Variants in ZNF516 observed in about 807,000 individuals in gnomAD.
ZNF516 encodes zinc finger protein 516.
ZNF516 carries 19 observed loss-of-function variants against 79.7 expected under a neutral mutation model. The ratio of observed to expected loss-of-function variants is 0.24; its 90% CI spans 0.17 to 0.35. The LOEUF is 0.35. ZNF516 is among the 10% of genes least tolerant of loss of function. The pLI, the probability that ZNF516 is intolerant of heterozygous loss-of-function variation, is 1.00. For synonymous variants in ZNF516, 877 were observed against 739.5 expected, an observed-to-expected ratio of 1.19 and a Z score of -3.02; for missense variants, 1,678 against 1,679.5, an observed-to-expected ratio of 1.00 and a Z score of 0.02.
intron 6 of ZNF516, among the ~76,000 whole-genome samples, chr18:76,365,796 C>T (rs185838041): frequency 3.3e-5 from 5 of 152,314 alleles, no homozygotes; most frequent in East Asian, 3.9e-4. Flanking sequence ...GCCCAGGGCC[C>T]GGACCCTCTC....
rs1379965471 is a variant in ZNF516, at chr18:76,493,537, C to T, written c.-272+1607G>A. On this transcript the variant is annotated intron_variant, in intron 1 of 6. Transcript: ENST00000443185. The surrounding 1 kb of genome is among the most constrained non-coding windows in gnomAD (Gnocchi z 5.2). ...TCGTGTTTCCTTAAGAAAGAACTGA[C>T]CTATTTTTGGCTGGAGATAAACGAT... 6.6e-6 allele frequency: 1 copy of T among 152,192 alleles called. No homozygotes were observed. The highest frequency in any genetic ancestry group is 1.9e-4 in the East Asian group (1 of 5,204). 9.4% of individuals were successfully genotyped at this position (152,192 alleles called of 1,614,324 possible). A position where few individuals can be genotyped will look rare whatever the true frequency, so the allele number is the denominator to read the frequency against.
intron 3 of ZNF516, among the ~76,000 whole-genome samples, chr18:76,411,217 C>G (rs2075369164): frequency 6.6e-6 from 1 of 152,190 alleles, no homozygotes; most frequent in African/African-American, 2.4e-5. Context: ...GACTGTGCAG[C>G]CTTGAGTGTC....
intron 1 of ZNF516, chr18:76,491,051 G>A (rs1172431597): frequency 2.3e-5 from 23 of 985,188 alleles, no homozygotes; most frequent in African/African-American, 3.5e-5. Flanking sequence ...CGCGGGCGCA[G>A]GACCGGTTCA....
intron 1 of ZNF516, among the ~76,000 whole-genome samples, chr18:76,489,392 A>C (rs1243637208): frequency 2.0e-5 from 3 of 152,146 alleles, no homozygotes; most frequent in Non-Finnish European, 4.4e-5. Flanking sequence ...TTTTTCACAT[A>C]CGTTGCTAAA....
At chr18:76,435,938 T>A (rs1184155516) in intron 3 of ZNF516, among the ~76,000 whole-genome samples, 3 of 152,250 alleles carry the variant, frequency 2.0e-5, no homozygotes, top group Non-Finnish European at 4.4e-5. Flanking sequence ...GGGAGCCCTG[T>A]CAGGCCTGGC....
In ZNF516 at chr18:76,463,086, C is replaced by T. The variant is rs930905685; in HGVS notation, c.-216G>A. On this transcript the variant is annotated 5_prime_UTR_variant, in exon 2 of 7. Transcript: ENST00000443185. ...CAACGCTCCCAGTTGGATGCTGGTA[C>T]TCTCAGCTAAAAGTGTTCAGAGAAG... 1 of 152,236 alleles carries T rather than the reference C, an allele frequency of 6.6e-6. No homozygotes were observed. The highest frequency in any genetic ancestry group is 2.4e-5 in the African/African-American group (1 of 41,462). The allele number at this position is 152,236 out of a possible 1,614,324, so 9.4% of individuals were successfully genotyped here.
chr18:76,400,090 T>C (rs1218242807), intron 3 of ZNF516, among the ~76,000 whole-genome samples: 1 of 152,038 alleles, frequency 6.6e-6, no homozygotes, highest in African/African-American at 2.4e-5. Flanking sequence ...GCCCCCACTT[T>C]AGCAAACTCA....
chr18:76,381,013 G>A (rs2074883696), intron 3 of ZNF516, among the ~76,000 whole-genome samples: 2 of 152,226 alleles, frequency 1.3e-5, no homozygotes, highest in African/African-American at 2.4e-5. Flanking sequence ...CTGAGCCCGG[G>A]GTTCCGCCCC....
At chr18:76,441,131 GCC>G in intron 3 of ZNF516, 112 bp downstream of exon 3, 4 of 1,404,210 alleles carry the variant, frequency 2.8e-6, no homozygotes, top group Non-Finnish European at 3.8e-6. Context: ...TGAGTAAAGG[GCC>G]ACCGGGTAAG....
chr18:76,472,545 G>T (rs1343215225), intron 1 of ZNF516, among the ~76,000 whole-genome samples: 2 of 152,222 alleles, frequency 1.3e-5, no homozygotes, highest in Admixed American at 6.5e-5. Flanking sequence ...TGAACACACA[G>T]GTGTATGCAC....
At position 76,430,817 on chromosome 18, in the gene ZNF516, T is replaced by C. The variant is rs549503523; in HGVS notation, c.1810+10428A>G. Among the ~76,000 whole-genome samples the C allele has an allele frequency of 6.7e-4, 102 of 152,322 alleles. 1 individual carries two copies. The highest frequency in any genetic ancestry group is 2.4e-3 in the African/African-American group (98 of 41,572). On this transcript the variant is annotated intron_variant, in intron 3 of 6. Transcript: ENST00000443185. ...TTTGGCACATCTATACAGGAACATA[T>C]TTGGCAGCTAACAGTTCGCCCAAAT...
At chr18:76,468,407 T>C (rs144292143) in intron 1 of ZNF516, among the ~76,000 whole-genome samples, 11 of 150,512 alleles carry the variant, frequency 7.3e-5, no homozygotes, top group Non-Finnish European at 1.3e-4. Flanking sequence ...TTTAGGCTCA[T>C]CATTAGTGTC....
intron 3 of ZNF516, among the ~76,000 whole-genome samples, chr18:76,439,366 C>G (rs2075784952): frequency 6.6e-6 from 1 of 152,214 alleles, no homozygotes; most frequent in Non-Finnish European, 1.5e-5. Flanking sequence ...TTCCATGTTT[C>G]ATGCCTCTGT....
chr18:76,491,399 G>A (rs1449523371), intron 1 of ZNF516, among the ~76,000 whole-genome samples: 4 of 122,982 alleles, frequency 3.3e-5, no homozygotes, highest in East Asian at 5.1e-4. Flanking sequence ...GCCCCCGCCG[G>A]CTCCCCCCGC....
chr18:76,491,863 C>G (rs1213896721), intron 1 of ZNF516, among the ~76,000 whole-genome samples: 1 of 152,152 alleles, frequency 6.6e-6, no homozygotes, highest in Non-Finnish European at 1.5e-5. Context: ...TGCCCAGTCC[C>G]GGTTCCGCCG....
chr18:76,367,420 T>C (rs943080131), intron 6 of ZNF516, among the ~76,000 whole-genome samples: 8 of 152,210 alleles, frequency 5.3e-5, no homozygotes, highest in Non-Finnish European at 1.2e-4. Context: ...CAGCCCTGCC[T>C]AGGGCTCTCT....
At chr18:76,478,445 T>A (rs1914301418) in intron 1 of ZNF516, among the ~76,000 whole-genome samples, 1 of 152,068 alleles carries the variant, frequency 6.6e-6, no homozygotes, top group Admixed American at 6.5e-5. Flanking sequence ...AAAAAAAAGG[T>A]TTAAGGTTTA....
At chr18:76,415,748 C>T (rs1443895618) in intron 3 of ZNF516, among the ~76,000 whole-genome samples, 1 of 152,046 alleles carries the variant, frequency 6.6e-6, no homozygotes, top group Non-Finnish European at 1.5e-5. Context: ...ATAGAGAAAC[C>T]GGCTCAAAAT....
At position 76,441,657 on chromosome 18, in the gene ZNF516, A is replaced by G. The variant is rs1384738274; in HGVS notation, c.1398T>C (p.Arg466=). 90 of 1,542,374 alleles carry G rather than the reference A, an allele frequency of 5.8e-5. No individual in the cohort carries two copies. Among genetic ancestry groups the G allele is most frequent in the Non-Finnish European group, 7.7e-5 (88 of 1,145,728 alleles). ...CCTGCGCGGCTGGTGCATCCTGCTC[A>G]CGCTTGCGCTTCTCCTGGCTCACCA... The part of the protein sequence containing the change: ...YVLVSQEKRK[R]EQDAPAAQGP... The change falls in exon 3 of 7, where the codon CGT becomes CGC. Residue 466 remains arginine (R), a synonymous_variant. Coordinates refer to ENST00000443185, the MANE Select transcript of ZNF516 (RefSeq NM_014643.4).
Sources: allele counts gnomAD v4.1 joint callset (sites outside exome capture counted in the v4.1 genomes callset), GRCh38; gene constraint gnomAD v4.1.1; non-coding constraint Gnocchi (gnomAD v3.1); transcripts MANE v1.5; gene names NCBI Gene and HGNC (gene_info 2026-07-23, HGNC 2026-07-21).